Variants in CADPS observed in about 807,000 individuals in gnomAD.
The protein encoded by CADPS is calcium-dependent secretion activator 1.
CADPS carries 57 observed loss-of-function variants against 167.3 expected under a neutral mutation model. The observed-to-expected ratio is 0.34, with a 90% CI of 0.28 to 0.42. The LOEUF (loss-of-function observed/expected upper bound fraction) is 0.42. Ranked by LOEUF, CADPS falls within the 20% of genes least tolerant of loss-of-function variation. The pLI, the probability that CADPS is intolerant of heterozygous loss-of-function variation, is 1.00. For synonymous variants in CADPS, 676 were observed against 635.3 expected (o/e 1.06, Z -0.96); for missense variants, 1,414 against 1,738.1 (o/e 0.81, Z 3.32).
chr3:62,731,381 A>T (rs114239080), intron 3 of CADPS, among the ~76,000 whole-genome samples: 31 of 152,284 alleles, frequency 2.0e-4, no homozygotes, highest in African/African-American at 7.2e-4. Context: ...GGAGGTATAA[A>T]GAAGTCTGGA....
intron 1 of CADPS, among the ~76,000 whole-genome samples, chr3:62,821,026 C>G (rs1362038695): frequency 3.3e-5 from 5 of 152,106 alleles, no homozygotes; most frequent in Non-Finnish European, 7.4e-5. Context: ...ATCTCAATCT[C>G]TTGACCTTCT....
chr3:62,579,757 A>T (rs1244419502), intron 8 of CADPS, among the ~76,000 whole-genome samples: 1 of 152,100 alleles, frequency 6.6e-6, no homozygotes, highest in African/African-American at 2.4e-5. Flanking sequence ...TCTGAATGAG[A>T]TGGGGAATCA....
intron 28 of CADPS, among the ~76,000 whole-genome samples, chr3:62,417,935 C>T (rs182661183): frequency 4.0e-5 from 6 of 151,732 alleles, no homozygotes; most frequent in South Asian, 2.1e-4. Flanking sequence ...GAGTTTGAGG[C>T]GGGAGGATCA....
intron 3 of CADPS, among the ~76,000 whole-genome samples, chr3:62,679,318 T>G (rs772098804): frequency 6.6e-6 from 1 of 152,042 alleles, no homozygotes; most frequent in Admixed American, 6.6e-5. Context: ...GAAGGTATTA[T>G]AGGTGAACTA....
intron 22 of CADPS, among the ~76,000 whole-genome samples, chr3:62,480,539 T>C (rs1484818859): frequency 6.6e-6 from 1 of 152,186 alleles, no homozygotes; most frequent in East Asian, 1.9e-4. Context: ...CAGGCAGCTT[T>C]GGAGGAGCCA....
intron 3 of CADPS, among the ~76,000 whole-genome samples, chr3:62,668,151 A>G (rs1286080953): frequency 6.6e-6 from 1 of 152,208 alleles, no homozygotes; most frequent in African/African-American, 2.4e-5. Context: ...ATTCAAATAC[A>G]CAGAAAATGT....
Position 62,421,947 on chromosome 3 carries a change from T to A in CADPS, c.3777+16157A>T, listed in dbSNP as rs936358632. ...CTTTTTTCCTTTGTAAAGCAGGTTG[T>A]GTTATTTACATATTTCTTTTGATAA... On this transcript the variant is annotated intron_variant, in intron 28 of 29. Transcript: ENST00000383710. This position sits in a 1 kb window ranked among gnomAD's most constrained non-coding sequence, Gnocchi z 4.7. 2.0e-5 allele frequency among the ~76,000 whole-genome samples: 3 copies of A among 152,238 alleles called. No individual in the cohort carries two copies. Among genetic ancestry groups the A allele is most frequent in the African/African-American group, 7.2e-5 (3 of 41,466 alleles).
At chr3:62,633,009 G>C (rs754942191) in intron 6 of CADPS, among the ~76,000 whole-genome samples, 5 of 152,046 alleles carry the variant, frequency 3.3e-5, no homozygotes, top group South Asian at 2.1e-4. Context: ...GTCATTCACC[G>C]AGACGCTAGC....
chr3:62,542,901 T>C (rs372868142), intron 11 of CADPS, among the ~76,000 whole-genome samples: 16 of 152,214 alleles, frequency 1.1e-4, no homozygotes, highest in African/African-American at 3.9e-4. Flanking sequence ...GCTGTAGTTA[T>C]ATTAACTTAC....
intron 8 of CADPS, among the ~76,000 whole-genome samples, chr3:62,576,160 T>G (rs2082227825): frequency 6.6e-6 from 1 of 152,192 alleles, no homozygotes. Flanking sequence ...CTCTCTGTTT[T>G]CAAGCTGTCC....
At chr3:62,636,837 T>A (rs2066404193) in intron 6 of CADPS, among the ~76,000 whole-genome samples, 1 of 152,070 alleles carries the variant, frequency 6.6e-6, no homozygotes, top group South Asian at 2.1e-4. Flanking sequence ...AACTAGTTCT[T>A]TTATCATCAA....
At position 62,469,286 on chromosome 3, in the gene CADPS, G is replaced by A. The variant is rs142990503; in HGVS notation, c.3478-2873C>T. 3.9e-5 allele frequency among the ~76,000 whole-genome samples: 6 copies of A among 152,254 alleles called. No individual in the cohort carries two copies. The East Asian group carries it at 1.2e-3, about 29-fold the overall frequency. On this transcript the variant is annotated intron_variant, in intron 24 of 29. Coordinates refer to ENST00000383710, the MANE Select transcript of CADPS (RefSeq NM_003716.4). ...TTATTGGATTAACTTGCTTTCTGGA[G>A]TAATAGTGAGTACTCTGCTTTCACT...
In CADPS at chr3:62,788,616, G is replaced by A. The variant is rs574252284; in HGVS notation, c.442-22632C>T. On this transcript the variant is annotated intron_variant, in intron 1 of 29. Transcript: ENST00000383710. ...GTATGTGTACTTTAGTCCTGTTTTAGCTTTTGATGTGATGATATTCCTTGT... is the reference window on the plus strand; with the variant it reads ...GTATGTGTACTTTAGTCCTGTTTTAACTTTTGATGTGATGATATTCCTTGT... Among the ~76,000 whole-genome samples, 5 of 152,120 alleles carry A rather than the reference G, an allele frequency of 3.3e-5. No homozygotes were observed. In the East Asian group the frequency reaches 9.7e-4, roughly 29 times the overall value.
chr3:62,748,051 C>T (rs576992), intron 3 of CADPS, among the ~76,000 whole-genome samples: 130,502 of 151,404 alleles, frequency 0.86, 56,383 homozygotes, highest in Middle Eastern at 0.93. Context: ...CCGGGCGTGG[C>T]GGCTTACACC....
intron 6 of CADPS, among the ~76,000 whole-genome samples, chr3:62,621,148 T>G (rs1388271275): frequency 6.6e-6 from 1 of 152,208 alleles, no homozygotes; most frequent in Non-Finnish European, 1.5e-5. Context: ...AATCTCTGGA[T>G]ATGGGGGCAC....
intron 6 of CADPS, among the ~76,000 whole-genome samples, chr3:62,612,955 G>T (rs1016798434): frequency 1.3e-5 from 2 of 152,212 alleles, no homozygotes; most frequent in African/African-American, 2.4e-5. Flanking sequence ...GTTTGGGCAA[G>T]ACAGACAATA....
At chr3:62,526,960 A>T (rs2072398891) in intron 13 of CADPS, among the ~76,000 whole-genome samples, 1 of 152,296 alleles carries the variant, frequency 6.6e-6, no homozygotes. Flanking sequence ...AATCCTAAAT[A>T]TGTATGATCT....
chr3:62,412,961 A>C lies in CADPS; in HGVS notation c.3778-9776T>G, dbSNP rs183434055. On this transcript the variant is annotated intron_variant, in intron 28 of 29. Transcript: ENST00000383710. This position sits in a 1 kb window ranked among gnomAD's most constrained non-coding sequence, Gnocchi z 4.1. Reference sequence around the variant, plus strand: ...AAGTCACAAAATCCCCCTTTATCCTACCCAATCCCACTTTTCAATATGGCG... The same window carrying C: ...AAGTCACAAAATCCCCCTTTATCCTCCCCAATCCCACTTTTCAATATGGCG... Among the ~76,000 whole-genome samples, 47 of 152,242 alleles carry C rather than the reference A, an allele frequency of 3.1e-4. No homozygotes were observed. Among genetic ancestry groups the C allele is most frequent in the Admixed American group, 2.2e-3 (33 of 15,292 alleles).
At chr3:62,818,563 C>T (rs1295516536) in intron 1 of CADPS, among the ~76,000 whole-genome samples, 1 of 152,114 alleles carries the variant, frequency 6.6e-6, no homozygotes, top group Non-Finnish European at 1.5e-5. Flanking sequence ...GTGAAGCAAC[C>T]GTAACTCTCA....
Sources: gnomAD v4.1 joint callset for allele counts (sites outside exome capture counted in the v4.1 genomes callset) on GRCh38, gnomAD v4.1.1 for gene constraint, Gnocchi (gnomAD v3.1) non-coding constraint, MANE v1.5 for transcripts, NCBI Gene and HGNC (gene_info 2026-07-23, HGNC 2026-07-21) for gene names.